GNG2: variants seen among roughly 807,000 people sequenced by gnomAD.
GNG2 encodes guanine nucleotide-binding protein G(I)/G(S)/G(O) subunit gamma-2.
GNG2 carries 5 observed loss-of-function variants against 5.5 expected under a neutral mutation model. The ratio of observed to expected loss-of-function variants is 0.91; its 90% CI spans 0.48 to 1.92. GNG2 has a LOEUF of 1.92. Among genes scored for constraint, GNG2 ranks in the 30% most tolerant of loss-of-function variants. GNG2 has a pLI of 0.01. For synonymous variants in GNG2, 28 were observed against 32.0 expected, an observed-to-expected ratio of 0.88 and a Z score of 0.42; for missense variants, 55 against 88.4, an observed-to-expected ratio of 0.62 and a Z score of 1.52.
intron 2 of GNG2, among the ~76,000 whole-genome samples, chr14:51,839,693 G>A (rs568150082): frequency 6.6e-6 from 1 of 152,180 alleles, no homozygotes; most frequent in African/African-American, 2.4e-5. Context: ...GATCGTGGTG[G>A]TGGTTACATG....
rs74051304 is a variant in GNG2 at position 51,924,803 on chromosome 14, A to G, written c.-29-25847A>G. Among the ~76,000 whole-genome samples, 843 of 152,354 alleles carry G rather than the reference A, an allele frequency of 5.5e-3. 14 individuals are homozygous for G. Among genetic ancestry groups the G allele is most frequent in the African/African-American group, 0.02 (815 of 41,592 alleles). The stretch of plus-strand genomic sequence containing the variant: ...TAAACACTGGTCTCACTTAGCATCT[A>G]GAAAACATCCTGTCCTCGTGCACGT... On this transcript the variant is annotated intron_variant, in intron 2 of 3. Coordinates refer to ENST00000556766, the MANE Select transcript of GNG2 (RefSeq NM_053064.5).
At chr14:51,893,410 T>C (rs1473410586) in intron 2 of GNG2, among the ~76,000 whole-genome samples, 1 of 152,196 alleles carries the variant, frequency 6.6e-6, no homozygotes, top group Non-Finnish European at 1.5e-5. Flanking sequence ...TCGTTTTGAA[T>C]CCTTTGCCCA....
rs111965660 is a variant in GNG2, at chr14:51,865,022, C to G, written c.-71+4232C>G. Among the ~76,000 whole-genome samples the G allele has an allele frequency of 9.5e-3, 1,445 of 152,192 alleles. 13 individuals carry two copies. Among genetic ancestry groups the G allele is most frequent in the Non-Finnish European group, 0.015 (1,000 of 68,010 alleles). On this transcript the variant is annotated intron_variant, in intron 1 of 3. Coordinates refer to ENST00000556766, the MANE Select transcript of GNG2 (RefSeq NM_053064.5). ...TATGGTGAGGCTGAGGAGAGCTGGGCAGAACAATTAGCAGGGACCCTATTG... is the reference window on the plus strand; with the variant it reads ...TATGGTGAGGCTGAGGAGAGCTGGGGAGAACAATTAGCAGGGACCCTATTG...
At chr14:51,879,794 TCTC>T (rs1216186256) in intron 2 of GNG2, among the ~76,000 whole-genome samples, 2 of 152,206 alleles carry the variant, frequency 1.3e-5, no homozygotes, top group Non-Finnish European at 2.9e-5. Flanking sequence ...GCCAGGCTAA[TCTC>T]CTCATCACCA....
intron 2 of GNG2, among the ~76,000 whole-genome samples, chr14:51,848,662 T>C (rs1264748334): frequency 6.6e-6 from 1 of 152,192 alleles, no homozygotes; most frequent in East Asian, 1.9e-4. Context: ...GCACACCATT[T>C]TTAGGAGAAT....
intron 2 of GNG2, chr14:51,916,161 C>A: frequency 8.9e-6 from 2 of 223,626 alleles, no homozygotes; most frequent in South Asian, 1.1e-4. Context: ...ATCATTCTAC[C>A]TATGTAATCA....
chr14:51,862,227 T>C (rs1414791438), intron 1 of GNG2, among the ~76,000 whole-genome samples: 1 of 152,216 alleles, frequency 6.6e-6, no homozygotes, highest in Non-Finnish European at 1.5e-5. Context: ...TCAGAGGTTT[T>C]TTGCTCATTA....
intron 3 of GNG2, among the ~76,000 whole-genome samples, chr14:51,952,787 A>G (rs1889065825): frequency 6.6e-6 from 1 of 152,152 alleles, no homozygotes; most frequent in Admixed American, 6.5e-5. Flanking sequence ...GCTGTCTGCA[A>G]TTCCATCTCA....
chr14:51,898,256 G>A (rs906955848), intron 2 of GNG2, among the ~76,000 whole-genome samples: 35 of 152,308 alleles, frequency 2.3e-4, no homozygotes, highest in African/African-American at 7.9e-4. Context: ...AAATGACAGA[G>A]AATTATTTTT....
chr14:51,889,152 G>A (rs376450964), intron 2 of GNG2, among the ~76,000 whole-genome samples: 8 of 140,310 alleles, frequency 5.7e-5, no homozygotes, highest in East Asian at 2.1e-4. Context: ...TCGCTCTGTC[G>A]CCTAGGCTGG....
At chr14:51,919,294 T>A (rs2140221381) in intron 2 of GNG2, among the ~76,000 whole-genome samples, 1 of 152,346 alleles carries the variant, frequency 6.6e-6, no homozygotes, top group South Asian at 2.1e-4. Context: ...TTGTGGATAA[T>A]AATGGAAGTG....
chr14:51,849,054 G>C (rs1881782623), intron 2 of GNG2, among the ~76,000 whole-genome samples: 1 of 152,110 alleles, frequency 6.6e-6, no homozygotes, highest in South Asian at 2.1e-4. Flanking sequence ...TCAGGAATTT[G>C]GGAGCAGCTT....
At chr14:51,934,802 A>G (rs1339110499) in intron 2 of GNG2, among the ~76,000 whole-genome samples, 1 of 152,168 alleles carries the variant, frequency 6.6e-6, no homozygotes, top group African/African-American at 2.4e-5. Context: ...TACCACATTT[A>G]TAAAAAAGAG....
intron 1 of GNG2, among the ~76,000 whole-genome samples, chr14:51,872,343 T>C (rs1005923028): frequency 6.6e-6 from 1 of 152,162 alleles, no homozygotes; most frequent in African/African-American, 2.4e-5. Flanking sequence ...TGTAATGTAT[T>C]ATATGTTAGC....
At chr14:51,958,426 C>T (rs140826502) in intron 3 of GNG2, among the ~76,000 whole-genome samples, 279 of 119,774 alleles carry the variant, frequency 2.3e-3, no homozygotes, top group African/African-American at 7.8e-3. Flanking sequence ...CAGTCTGTCT[C>T]TCTCTCTTCC....
chr14:51,900,736 T>G (rs77053796), intron 2 of GNG2, among the ~76,000 whole-genome samples: 4,162 of 152,070 alleles, frequency 0.027, 82 homozygotes, highest in South Asian at 0.052. Context: ...AGAGAAACTT[T>G]GCTTTCCTAA....
At chr14:51,842,271 G>C (rs1881503798) in intron 2 of GNG2, among the ~76,000 whole-genome samples, 1 of 152,168 alleles carries the variant, frequency 6.6e-6, no homozygotes, top group Admixed American at 6.5e-5. Context: ...TTGATGTCTT[G>C]AAATACATTT....
intron 2 of GNG2, among the ~76,000 whole-genome samples, chr14:51,846,333 C>A (rs1048566648): frequency 6.6e-6 from 1 of 152,002 alleles, no homozygotes; most frequent in Non-Finnish European, 1.5e-5. Context: ...ATGGATAATA[C>A]CTAGGTTATG....
At chr14:51,856,978 C>T (rs1044322489), upstream of GNG2, among the ~76,000 whole-genome samples, 4 of 152,126 alleles carry the variant, frequency 2.6e-5, no homozygotes, top group African/African-American at 9.7e-5. Flanking sequence ...CCTTTTCCTC[C>T]CCTCACTCAA....
Sources: gnomAD v4.1 joint callset for allele counts (sites outside exome capture counted in the v4.1 genomes callset) on GRCh38, gnomAD v4.1.1 for gene constraint, MANE v1.5 for transcripts, NCBI Gene and HGNC (gene_info 2026-07-23, HGNC 2026-07-21) for gene names.